Variants in PRCD observed in about 807,000 individuals in gnomAD.
The protein encoded by PRCD is photoreceptor disc component, also known as photoreceptor disk component PRCD.
In PRCD, 12 loss-of-function variants were observed where a neutral mutation model predicts 10.1. That is an observed-to-expected ratio of 1.18 (90% CI 0.76 to 1.92). The LOEUF is 1.92. Among genes scored for constraint, PRCD ranks in the 40% most tolerant of loss-of-function variants. The probability of loss-of-function intolerance (pLI) is 0.00; values close to 1 mark genes in which losing one functional copy is unlikely to be tolerated. For missense variants in PRCD, 61 were observed against 72.2 expected, an observed-to-expected ratio of 0.84 and a Z score of 0.56; for synonymous variants, 31 against 26.2, an observed-to-expected ratio of 1.18 and a Z score of -0.56.
chr17:76,531,472 CG>C lies in PRCD; in HGVS notation n.45+3641del, dbSNP rs1567906596. 2 of 1,609,258 alleles carry C rather than the reference CG, an allele frequency of 1.2e-6. No individual in the cohort carries two copies. The highest frequency in any genetic ancestry group is 1.3e-5 in the African/African-American group (1 of 74,972). ...TGGGGGCGCATACCTTGAAGTACAC[CG>C]GTTCCACCTTGTGCTTGAGGGCGTG... On this transcript the variant is annotated intron_variant and non_coding_transcript_variant, in intron 1 of 4. Transcript: ENST00000397633. The surrounding 1 kb of genome is among the most constrained non-coding windows in gnomAD (Gnocchi z 7.4).
chr17:76,528,627 G>A lies in PRCD; in HGVS notation n.45+794G>A. ...GGCCGGTGGGCTGTGGACGAGATAGGAAGGGAAGGACAAACGTTACCAGAG... is the reference window on the plus strand; with the variant it reads ...GGCCGGTGGGCTGTGGACGAGATAGAAAGGGAAGGACAAACGTTACCAGAG... On this transcript the variant is annotated intron_variant and non_coding_transcript_variant, in intron 1 of 4. Coordinates refer to the PRCD transcript ENST00000397633. The surrounding 1 kb of genome is among the most constrained non-coding windows in gnomAD (Gnocchi z 5.8). 3 of 1,273,498 alleles carry A rather than the reference G, an allele frequency of 2.4e-6. No individual in the cohort carries two copies. Among genetic ancestry groups the A allele is most frequent in the Non-Finnish European group, 3.0e-6 (3 of 1,001,146 alleles). The allele number at this position is 1,273,498 out of a possible 1,614,324, so 78.9% of individuals were successfully genotyped here.
At chr17:76,538,969 G>C (rs570876447), upstream of PRCD, among the ~76,000 whole-genome samples, 3 of 152,212 alleles carry the variant, frequency 2.0e-5, no homozygotes, top group East Asian at 5.8e-4. Context: ...CGGGGGAGGC[G>C]AGGAGAACTC....
chr17:76,539,884 A>G, upstream of PRCD: 1 of 579,870 alleles, frequency 1.7e-6, no homozygotes, highest in South Asian at 2.1e-5. Flanking sequence ...TCAGATCGAG[A>G]CTCCGAATAC....
upstream of PRCD, chr17:76,537,711 T>A (rs1417698924): frequency 9.1e-6 from 4 of 437,752 alleles, no homozygotes; most frequent in Non-Finnish European, 1.2e-5. Context: ...TGTGTGTGTG[T>A]GTGTGCGTGC....
downstream of PRCD, among the ~76,000 whole-genome samples, chr17:76,549,510 T>C (rs7219889): frequency 0.34 from 51,147 of 152,088 alleles, 10,676 homozygotes; most frequent in African/African-American, 0.59. Flanking sequence ...CACCCTGTCA[T>C]ACACGGCTGG....
chr17:76,542,076 G>A (rs1034717031), intron 2 of PRCD, among the ~76,000 whole-genome samples: 7 of 152,176 alleles, frequency 4.6e-5, no homozygotes, highest in Non-Finnish European at 1.0e-4. Context: ...AATGGTTGTG[G>A]AAACTGAGGG....
At position 76,540,123 on chromosome 17, in the gene PRCD, G is replaced by T; in HGVS notation, c.-19G>T. On this transcript the variant is annotated 5_prime_UTR_variant, in exon 1 of 5. Coordinates refer to ENST00000592014, the MANE Select transcript of PRCD (RefSeq NM_001077620.3). The surrounding 1 kb of genome is among the most constrained non-coding windows in gnomAD (Gnocchi z 5.0). ...GCCTTCTGCAGACTTGGCCTGGGAG[G>T]GGATGGGGCAGCTGCGCCATGTGCA... 1 of 1,594,910 alleles carries T rather than the reference G, an allele frequency of 6.3e-7. No homozygotes were observed. Among genetic ancestry groups the T allele is most frequent in the Non-Finnish European group, 8.5e-7 (1 of 1,171,144 alleles).
At chr17:76,541,187 G>A (rs2074988751) in intron 2 of PRCD, among the ~76,000 whole-genome samples, 1 of 152,304 alleles carries the variant, frequency 6.6e-6, no homozygotes, top group Admixed American at 6.5e-5. Flanking sequence ...GACCAGTGTC[G>A]TTCGATGATA....
At chr17:76,538,911 C>A (rs1246382244), upstream of PRCD, among the ~76,000 whole-genome samples, 2 of 152,252 alleles carry the variant, frequency 1.3e-5, no homozygotes, top group Admixed American at 6.5e-5. Flanking sequence ...TGGCTCTGCG[C>A]TTTCACTATG....
In PRCD at chr17:76,528,424, G is replaced by A. The variant is rs201303782; in HGVS notation, n.45+591G>A. On this transcript the variant is annotated intron_variant and non_coding_transcript_variant, in intron 1 of 4. Coordinates refer to the PRCD transcript ENST00000397633. The surrounding 1 kb of genome is among the most constrained non-coding windows in gnomAD (Gnocchi z 5.8). ...CGCCGCCTCCCAGCAGCTCCAGGGG[G>A]GGACCCTGGCCGCCACAGAGGCCTC... 2.1e-3 allele frequency: 1,404 copies of A among 666,004 alleles called. 6 individuals carry two copies. The highest frequency in any genetic ancestry group is 0.011 in the African/African-American group (585 of 53,688). 41.3% of individuals were successfully genotyped at this position (666,004 alleles called of 1,614,324 possible). A position where few individuals can be genotyped will look rare whatever the true frequency, so the allele number is the denominator to read the frequency against.
At position 76,540,662 on chromosome 17, in the gene PRCD, C is replaced by T. The variant is rs544508642; in HGVS notation, c.143+89C>T. On this transcript the variant is annotated intron_variant, in intron 2 of 4. Transcript: ENST00000592014. This position sits in a 1 kb window ranked among gnomAD's most constrained non-coding sequence, Gnocchi z 5.0. ...CTGGGGGTGCACGTGTGTGCCTGTG[C>T]GCGCCTGTGCGTGCACCGTATCCTG... The T allele has an allele frequency of 2.5e-3, 3,301 of 1,309,196 alleles. 11 individuals are homozygous for T. Among genetic ancestry groups the T allele is most frequent in the Non-Finnish European group, 2.8e-3 (2,572 of 915,130 alleles). 81.1% of individuals were successfully genotyped at this position (1,309,196 alleles called of 1,614,324 possible).
At chr17:76,537,271 G>A (rs943801248), upstream of PRCD, 3 of 1,112,750 alleles carry the variant, frequency 2.7e-6, no homozygotes, top group Non-Finnish European at 3.5e-6. Flanking sequence ...CTGCTCCGCC[G>A]ACCTCGGACC....
chr17:76,552,437 G>A (rs2075116438), intron 1 of PRCD, among the ~76,000 whole-genome samples: 1 of 151,820 alleles, frequency 6.6e-6, no homozygotes. Context: ...CTGACCTCGT[G>A]ATCCACCCTC....
rs559257832 is a variant in PRCD, at chr17:76,543,948, C to T, written c.*298C>T. The T allele has an allele frequency of 3.4e-5, 16 of 468,842 alleles. No individual in the cohort carries two copies. The highest frequency in any genetic ancestry group is 6.2e-5 in the Non-Finnish European group (14 of 227,062). The allele number at this position is 468,842 out of a possible 1,614,324, so 29.0% of individuals were successfully genotyped here. ...TGTGTTTTCTGTATGTGTGCAAGCG[C>T]GTGTGTTCCAAACGGGCAGTAGCGT... On this transcript the variant is annotated 3_prime_UTR_variant, in exon 5 of 5. Coordinates refer to ENST00000592014, the MANE Select transcript of PRCD (RefSeq NM_001077620.3).
chr17:76,539,983 G>A (rs1350636183), upstream of PRCD: 4 of 722,188 alleles, frequency 5.5e-6, no homozygotes, highest in African/African-American at 1.8e-5. Flanking sequence ...ACAAGGTCGG[G>A]GCCGCTGACC....
upstream of PRCD, among the ~76,000 whole-genome samples, chr17:76,538,963 G>T (rs1272638526): frequency 6.6e-6 from 1 of 152,236 alleles, no homozygotes; most frequent in African/African-American, 2.4e-5. Flanking sequence ...AAGGTCCGGG[G>T]GAGGCGAGGA....
chr17:76,530,883 G>T lies in PRCD; in HGVS notation n.45+3050G>T. The T allele has an allele frequency of 7.2e-7, 1 of 1,381,994 alleles. No individual in the cohort carries two copies. The highest frequency in any genetic ancestry group is 9.7e-7 in the Non-Finnish European group (1 of 1,034,796). The allele number at this position is 1,381,994 out of a possible 1,614,324, so 85.6% of individuals were successfully genotyped here. A position where few individuals can be genotyped will look rare whatever the true frequency, so the allele number is the denominator to read the frequency against. On this transcript the variant is annotated intron_variant and non_coding_transcript_variant, in intron 1 of 4. Coordinates refer to the PRCD transcript ENST00000397633. The surrounding 1 kb of genome is among the most constrained non-coding windows in gnomAD (Gnocchi z 6.1). Reference sequence around the variant, plus strand: ...CTGCCTCAAGTGTGCCTGCCCAGGTGATCAGCCCCAGGGCCTCAGGAGATA... The same window carrying T: ...CTGCCTCAAGTGTGCCTGCCCAGGTTATCAGCCCCAGGGCCTCAGGAGATA...
In PRCD at chr17:76,533,460, C is replaced by T. The variant is rs564459761; in HGVS notation, n.45+5627C>T. 1.3e-5 allele frequency among the ~76,000 whole-genome samples: 2 copies of T among 152,328 alleles called. No individual in the cohort carries two copies. The highest frequency in any genetic ancestry group is 3.9e-4 in the East Asian group (2 of 5,192). Reference sequence around the variant, plus strand: ...AATGATATGGCCGGGCACGGTGGCTCACGCCTATAATCCTAGCACTTTACG... The same window carrying T: ...AATGATATGGCCGGGCACGGTGGCTTACGCCTATAATCCTAGCACTTTACG... On this transcript the variant is annotated intron_variant and non_coding_transcript_variant, in intron 1 of 4. Transcript: ENST00000397633. The surrounding 1 kb of genome is among the most constrained non-coding windows in gnomAD (Gnocchi z 4.5).
chr17:76,532,688 C>T (rs548821504), intron 1 of PRCD, among the ~76,000 whole-genome samples: 7 of 152,048 alleles, frequency 4.6e-5, no homozygotes, highest in African/African-American at 7.2e-5. Flanking sequence ...TCCATCACCA[C>T]GCCCGGCTAG....
Sources: allele counts gnomAD v4.1 joint callset (sites outside exome capture counted in the v4.1 genomes callset), GRCh38; gene constraint gnomAD v4.1.1; non-coding constraint Gnocchi (gnomAD v3.1); transcripts MANE v1.5; gene names NCBI Gene and HGNC (gene_info 2026-07-23, HGNC 2026-07-21).